COL4A3: variants seen among roughly 807,000 people sequenced by gnomAD.
COL4A3 encodes the protein collagen type IV alpha 3 chain.
A neutral mutation model predicts 217.4 loss-of-function variants in COL4A3; 135 were observed. That is an observed-to-expected ratio of 0.62 (90% CI 0.54 to 0.72). The LOEUF is 0.72. COL4A3 is among the 30% of genes least tolerant of loss of function. The pLI, the probability that COL4A3 is intolerant of heterozygous loss-of-function variation, is 0.00. For synonymous variants in COL4A3, 690 were observed against 736.3 expected (o/e 0.94, Z 1.02); for missense variants, 1,868 against 2,119.9 (o/e 0.88, Z 2.33).
chr2:227,235,760 A>G (rs538275801), intron 1 of COL4A3, among the ~76,000 whole-genome samples: 1 of 135,010 alleles, frequency 7.4e-6, no homozygotes, highest in Admixed American at 7.8e-5. Flanking sequence ...TGCTAATGCC[A>G]TTATTTCATT....
chr2:227,185,465 G>A (rs1212681173), intron 1 of COL4A3, among the ~76,000 whole-genome samples: 8 of 152,154 alleles, frequency 5.3e-5, no homozygotes, highest in Non-Finnish European at 1.0e-4. Context: ...AATTGTACAC[G>A]TTGTTCTTGC....
chr2:227,253,522 G>T lies in COL4A3; in HGVS notation c.688-39G>T, dbSNP rs1034817716. 1 of 1,542,568 alleles carries T rather than the reference G, an allele frequency of 6.5e-7. No homozygotes were observed. Among genetic ancestry groups the T allele is most frequent in the Non-Finnish European group, 9.0e-7 (1 of 1,115,064 alleles). ...GTAGTAACATTGAAATGTTGATGCTGTTGTTTATTTTCTCACTCCTGAGTG... is the reference window on the plus strand; with the variant it reads ...GTAGTAACATTGAAATGTTGATGCTTTTGTTTATTTTCTCACTCCTGAGTG... On this transcript the variant is annotated intron_variant, in intron 12 of 51. Transcript: ENST00000396578. This position sits in a 1 kb window ranked among gnomAD's most constrained non-coding sequence, Gnocchi z 4.4.
At chr2:227,233,649 G>A (rs2068528612) in intron 1 of COL4A3, among the ~76,000 whole-genome samples, 1 of 152,146 alleles carries the variant, frequency 6.6e-6, no homozygotes, top group Non-Finnish European at 1.5e-5. Flanking sequence ...ACCACTAAAA[G>A]TTCAAGACCC....
Position 227,254,646 on chromosome 2 carries a change from A to G in COL4A3, c.829-10A>G, listed in dbSNP as rs747075735. The G allele has an allele frequency of 6.2e-7, 1 of 1,604,260 alleles. No individual in the cohort carries two copies. On this transcript the variant is annotated splice_polypyrimidine_tract_variant and intron_variant, in intron 14 of 51. Transcript: ENST00000396578. ...ATTCATAAAATTTGACATGGCTCTA[A>G]TTAATACAGGGACTGCCTGGAGAAT...
intron 47 of COL4A3, among the ~76,000 whole-genome samples, chr2:227,307,412 T>A (rs914939548): frequency 2.0e-5 from 3 of 152,168 alleles, no homozygotes; most frequent in African/African-American, 7.2e-5. Flanking sequence ...AAAACATACA[T>A]AAGACCTACC....
intron 14 of COL4A3, among the ~76,000 whole-genome samples, 180 bp downstream of exon 14, chr2:227,254,354 A>G (rs1574702631): frequency 6.6e-6 from 1 of 152,166 alleles, no homozygotes; most frequent in Non-Finnish European, 1.5e-5. Context: ...CTAAAATACA[A>G]TAACATTTGA....
chr2:227,273,032 A>T lies in COL4A3; in HGVS notation c.1842A>T (p.Gly614=), dbSNP rs748394168. Reference sequence around the variant, plus strand: ...CCCCAGGACCTGCAGGACCAGCTGGACCACCTGGCTACGGACCCCAAGGAG... The same window carrying T: ...CCCCAGGACCTGCAGGACCAGCTGGTCCACCTGGCTACGGACCCCAAGGAG... ...PGSPGPAGPA[G]PPGYGPQGEP... Residue 614 remains glycine (G), a synonymous_variant, in exon 26 of 52, where the codon GGA becomes GGT. Coordinates refer to ENST00000396578, the MANE Select transcript of COL4A3 (RefSeq NM_000091.5). 3 of 1,613,998 alleles carry T rather than the reference A, an allele frequency of 1.9e-6. No individual in the cohort carries two copies. Among genetic ancestry groups the T allele is most frequent in the South Asian group, 2.2e-5 (2 of 91,060 alleles).
intron 1 of COL4A3, among the ~76,000 whole-genome samples, chr2:227,234,706 T>C (rs1348213483): frequency 6.6e-6 from 1 of 152,202 alleles, no homozygotes; most frequent in Non-Finnish European, 1.5e-5. Flanking sequence ...AATGGGAGTG[T>C]ATAGGCAAAG....
intron 47 of COL4A3, 83 bp from the exon 48 acceptor site, chr2:227,307,627 A>C: frequency 9.2e-5 from 92 of 998,718 alleles, no homozygotes; most frequent in Non-Finnish European, 1.3e-4. Context: ...CAACATATAT[A>C]AAATATATTT....
intron 1 of COL4A3, among the ~76,000 whole-genome samples, chr2:227,230,158 A>G (rs910445156): frequency 6.6e-6 from 1 of 152,192 alleles, no homozygotes; most frequent in African/African-American, 2.4e-5. Flanking sequence ...CCATACATAC[A>G]TGGCCTGTGA....
At chr2:227,289,604 T>C (rs1452092642) in intron 35 of COL4A3, among the ~76,000 whole-genome samples, 1 of 152,234 alleles carries the variant, frequency 6.6e-6, no homozygotes, top group Non-Finnish European at 1.5e-5. Context: ...TAACTGAGTT[T>C]ACAAAATAAT....
At chr2:227,246,404 T>G (rs908946050) in intron 6 of COL4A3, 2 of 527,284 alleles carry the variant, frequency 3.8e-6, no homozygotes, top group African/African-American at 3.8e-5. Flanking sequence ...TGGCCATGAA[T>G]GAACTAATTA....
intron 30 of COL4A3, 83 bp from the exon 31 acceptor site, chr2:227,280,810 A>G (rs2071909861): frequency 8.7e-7 from 1 of 1,150,182 alleles, no homozygotes; most frequent in Non-Finnish European, 1.3e-6. Flanking sequence ...GTGGAAAAAA[A>G]GTTAACAGAA....
rs1230924429 is a variant in COL4A3 at position 227,191,289 on chromosome 2, T to C, written c.87+26476T>C. Among the ~76,000 whole-genome samples, 1 of 152,158 alleles carries C rather than the reference T, an allele frequency of 6.6e-6. No homozygotes were observed. Among genetic ancestry groups the C allele is most frequent in the Non-Finnish European group, 1.5e-5 (1 of 68,044 alleles). On this transcript the variant is annotated intron_variant, in intron 1 of 51. Coordinates refer to ENST00000396578, the MANE Select transcript of COL4A3 (RefSeq NM_000091.5). The surrounding 1 kb of genome is among the most constrained non-coding windows in gnomAD (Gnocchi z 6.8). ...GTACACATTCCCAGAAATGGATTTT[T>C]TTTTTGTAAAGGACGCAAAAGTTTA... is the stretch of plus-strand genomic sequence containing the variant.
rs147411616 is a variant in COL4A3 at position 227,253,453 on chromosome 2, T to G, written c.688-108T>G. The G allele has an allele frequency of 5.4e-5, 77 of 1,413,462 alleles. No homozygotes were observed. The African/African-American group carries it at 8.9e-4, about 16-fold the overall frequency. The allele number at this position is 1,413,462 out of a possible 1,614,324, so 87.6% of individuals were successfully genotyped here. ...AATTGATGGGCCTTCATTTGTTCTA[T>G]CTTCCCGTATAAGCACTAAAGGGGA... On this transcript the variant is annotated intron_variant, in intron 12 of 51. Coordinates refer to ENST00000396578, the MANE Select transcript of COL4A3 (RefSeq NM_000091.5). This position sits in a 1 kb window ranked among gnomAD's most constrained non-coding sequence, Gnocchi z 4.4.
intron 1 of COL4A3, among the ~76,000 whole-genome samples, chr2:227,185,484 A>G (rs1391584953): frequency 6.6e-6 from 1 of 152,322 alleles, no homozygotes; most frequent in Admixed American, 6.5e-5. Context: ...GCTCTTGAAT[A>G]TAGGTAAGCT....
chr2:227,195,967 AG>A (rs1192556263), intron 1 of COL4A3, among the ~76,000 whole-genome samples: 1 of 152,120 alleles, frequency 6.6e-6, no homozygotes, highest in Non-Finnish European at 1.5e-5. Flanking sequence ...AATAGAAAAA[AG>A]CTTATAGAAT....
rs73086007 is a variant in COL4A3 at position 227,297,990 on chromosome 2, G to A, written c.3751+131G>A. Reference sequence around the variant, plus strand: ...GGTCATCTCCATTCCCCCACTACCTGTGGTTCCCATACCCAGCAGTTGTCA... The same window carrying A: ...GGTCATCTCCATTCCCCCACTACCTATGGTTCCCATACCCAGCAGTTGTCA... On this transcript the variant is annotated intron_variant, in intron 42 of 51. Coordinates refer to ENST00000396578, the MANE Select transcript of COL4A3 (RefSeq NM_000091.5). 487 of 1,049,578 alleles carry A rather than the reference G, an allele frequency of 4.6e-4. 2 individuals carry two copies. The African/African-American group carries it at 6.7e-3, about 15-fold the overall frequency. 65.0% of individuals were successfully genotyped at this position (1,049,578 alleles called of 1,614,324 possible).
intron 1 of COL4A3, among the ~76,000 whole-genome samples, chr2:227,165,062 A>T (rs2065183586): frequency 6.6e-6 from 1 of 152,132 alleles, no homozygotes; most frequent in Non-Finnish European, 1.5e-5. Context: ...AGTGCCTAGG[A>T]GTCAGGGATG....
Sources: gnomAD v4.1 joint callset for allele counts (sites outside exome capture counted in the v4.1 genomes callset) on GRCh38, gnomAD v4.1.1 for gene constraint, Gnocchi (gnomAD v3.1) non-coding constraint, MANE v1.5 for transcripts, NCBI Gene and HGNC (gene_info 2026-07-23, HGNC 2026-07-21) for gene names.